The following MS4A6A variants were observed in gnomAD, a reference collection of about 807,000 sequenced individuals.
MS4A6A encodes membrane-spanning 4-domains subfamily A member 6A.
In MS4A6A, 19 loss-of-function variants were observed where a neutral mutation model predicts 20.6. The observed-to-expected ratio is 0.92, with a 90% CI of 0.64 to 1.36. MS4A6A has a LOEUF of 1.36. MS4A6A is among the 40% of genes most tolerant of loss of function. The pLI is 0.00. For missense variants in MS4A6A, 272 were observed against 261.1 expected, an observed-to-expected ratio of 1.04 and a Z score of -0.29; for synonymous variants, 108 against 105.0, an observed-to-expected ratio of 1.03 and a Z score of -0.17.
chr11:60,172,146 C>T (rs1856609146), downstream of MS4A6A: 2 of 1,605,810 alleles, frequency 1.2e-6, no homozygotes, highest in South Asian at 1.1e-5. Context: ...ATTAATATTT[C>T]TCCCTTTTTT....
Position 60,172,604 on chromosome 11 carries a change from T to C in MS4A6A, c.*397A>G. The C allele has an allele frequency of 8.9e-7, 1 of 1,127,096 alleles. No homozygotes were observed. Among genetic ancestry groups the C allele is most frequent in the Non-Finnish European group, 1.1e-6 (1 of 916,150 alleles). 69.8% of individuals were successfully genotyped at this position (1,127,096 alleles called of 1,614,324 possible). A position where few individuals can be genotyped will look rare whatever the true frequency, so the allele number is the denominator to read the frequency against. ...GACATTCACTGGATCCAGTTACGTG[T>C]GTAAATGCCCTTTACCAAGTCAATA... On this transcript the variant is annotated 3_prime_UTR_variant, in exon 6 of 6. Coordinates refer to ENST00000528851, the MANE Select transcript of MS4A6A (RefSeq NM_022349.4).
At chr11:60,178,572 G>T (rs1421850566) in intron 3 of MS4A6A, among the ~76,000 whole-genome samples, 2 of 150,712 alleles carry the variant, frequency 1.3e-5, no homozygotes, top group African/African-American at 4.9e-5. Flanking sequence ...GACCTTAAAA[G>T]CCAGGAAATA....
At chr11:60,174,010 A>C (rs1021959566) in intron 5 of MS4A6A, among the ~76,000 whole-genome samples, 4 of 152,222 alleles carry the variant, frequency 2.6e-5, no homozygotes, top group Non-Finnish European at 4.4e-5. Context: ...AATCTCTCTT[A>C]TTTCCAATGT....
rs1295346955 is a variant in MS4A6A, at chr11:60,181,663, G to A, written c.65C>T (p.Ser22Phe). 1.9e-6 allele frequency: 3 copies of A among 1,614,018 alleles called. No individual in the cohort carries two copies. Among genetic ancestry groups the A allele is most frequent in the Non-Finnish European group, 1.7e-6 (2 of 1,180,006 alleles). ...GGTGGGTTCGGGTTTCTCTGCTTGGGAGAAGTTGATGACATTTGATGGGAG... is the reference window on the plus strand; with the variant it reads ...GGTGGGTTCGGGTTTCTCTGCTTGGAAGAAGTTGATGACATTTGATGGGAG... ...IVLPSNVINF[S>F]QAEKPEPTNQ... Residue 22 changes from serine to phenylalanine, a missense_variant, in exon 2 of 6, where the codon TCC becomes TTC. Ser to Phe is a radical substitution (Grantham distance 155, BLOSUM62 -2). Transcript: ENST00000528851.
In MS4A6A at chr11:60,175,551, T is replaced by A; in HGVS notation, c.400A>T (p.Ile134Phe). Residue 134 changes from isoleucine (I) to phenylalanine (F), a missense_variant, in exon 5 of 6, where the codon ATC becomes TTC. Physicochemically the swap from Ile to Phe is conservative, Grantham distance 21. Coordinates refer to ENST00000528851, the MANE Select transcript of MS4A6A (RefSeq NM_022349.4). ...AAGGTGGCCTGTTTGACAGACAGGATAATGAAACCCACCAGGGCAGACAGA... is the reference window on the plus strand; with the variant it reads ...AAGGTGGCCTGTTTGACAGACAGGAAAATGAAACCCACCAGGGCAGACAGA... ...SALSALVGFI[I>F]LSVKQATLNP... is the part of the protein sequence containing the mutation. 5 of 1,614,106 alleles carry A rather than the reference T, an allele frequency of 3.1e-6. No homozygotes were observed. The highest frequency in any genetic ancestry group is 4.2e-6 in the Non-Finnish European group (5 of 1,180,032).
rs1045753097 is a variant in MS4A6A at position 60,178,499 on chromosome 11, GA to G, written c.283-184del. 859 of 385,982 alleles carry G rather than the reference GA, an allele frequency of 2.2e-3. 1 individual carries two copies. Among genetic ancestry groups the G allele is most frequent in the African/African-American group, 4.8e-3 (207 of 43,386 alleles). The allele number at this position is 385,982 out of a possible 1,614,324, so 23.9% of individuals were successfully genotyped here. The stretch of plus-strand genomic sequence containing the variant: ...TCCATATAACATTCAGATAACATCA[GA>G]AAAAAAAAAGATAGCAGAAATATAT... On this transcript the variant is annotated intron_variant, in intron 3 of 5. Transcript: ENST00000528851.
At chr11:60,183,716 G>A (rs1392828626), upstream of MS4A6A, 1 of 152,392 alleles carries the variant, frequency 6.6e-6, no homozygotes, top group Non-Finnish European at 1.5e-5. Context: ...CCCAACTGCT[G>A]CCTACCCTCA....
chr11:60,182,802 T>C (rs1351254610), intron 1 of MS4A6A, 176 bp downstream of exon 1: 1 of 195,972 alleles, frequency 5.1e-6, no homozygotes, highest in African/African-American at 2.3e-5. Flanking sequence ...GTTTATGCAA[T>C]TAGAATACAG....
intron 1 of MS4A6A, chr11:60,182,403 G>A (rs1200634758): frequency 6.6e-6 from 1 of 152,272 alleles, no homozygotes; most frequent in African/African-American, 2.4e-5. Context: ...ACACAGCCGG[G>A]AAGCTGTAAA....
At chr11:60,184,340 C>A (rs1344535751), upstream of MS4A6A, 2 of 152,272 alleles carry the variant, frequency 1.3e-5, no homozygotes, top group South Asian at 2.1e-4. Context: ...GGCGCCCCTT[C>A]CTCTTTCGCA....
intron 3 of MS4A6A, 123 bp downstream of exon 3, chr11:60,179,708 T>C (rs774712924): frequency 2.8e-5 from 32 of 1,123,576 alleles, no homozygotes; most frequent in Non-Finnish European, 3.1e-5. Flanking sequence ...GAGAACAAGA[T>C]TCACCGTTGA....
chr11:60,172,493 G>C (rs1182417527), downstream of MS4A6A: 2 of 1,229,158 alleles, frequency 1.6e-6, no homozygotes, highest in Admixed American at 3.8e-5. Context: ...TAAGTCCATA[G>C]GGGTTTGATT....
downstream of MS4A6A, chr11:60,172,146 CT>C (rs1312938176): frequency 1.9e-6 from 3 of 1,605,810 alleles, no homozygotes; most frequent in Non-Finnish European, 2.6e-6. Flanking sequence ...ATTAATATTT[CT>C]CCCTTTTTTC....
intron 4 of MS4A6A, among the ~76,000 whole-genome samples, chr11:60,176,323 T>C (rs1167656819): frequency 6.6e-6 from 1 of 152,216 alleles, no homozygotes; most frequent in African/African-American, 2.4e-5. Flanking sequence ...GAAAAAGGTC[T>C]GAACTGGAGG....
intron 2 of MS4A6A, chr11:60,180,558 C>T (rs1857080480): frequency 6.4e-6 from 1 of 157,140 alleles, no homozygotes; most frequent in African/African-American, 2.4e-5. Flanking sequence ...AAACTTGTGT[C>T]ATGGGGGTTT....
At chr11:60,181,506 G>A in intron 2 of MS4A6A, 75 bp downstream of exon 2, 1 of 1,574,330 alleles carries the variant, frequency 6.4e-7, no homozygotes, top group Non-Finnish European at 8.7e-7. Flanking sequence ...CACGACAGAT[G>A]TCCAGTCCCA....
At position 60,179,448 on chromosome 11, in the gene MS4A6A, G is replaced by A. The variant is rs1012386237; in HGVS notation, c.282+383C>T. 5.6e-6 allele frequency: 3 copies of A among 537,662 alleles called. No individual in the cohort carries two copies. The African/African-American group carries it at 5.7e-5, about 10-fold the overall frequency. 33.3% of individuals were successfully genotyped at this position (537,662 alleles called of 1,614,324 possible). On this transcript the variant is annotated intron_variant, in intron 3 of 5. Coordinates refer to ENST00000528851, the MANE Select transcript of MS4A6A (RefSeq NM_022349.4). The stretch of plus-strand genomic sequence containing the variant: ...CCCCACAAGCATGGGGGGGATAACA[G>A]TGTGGTTTCTCTGTGAGTGTGTGAT...
Position 60,175,433 on chromosome 11 carries a change from GT to G in MS4A6A, c.517del (p.Thr173ArgfsTer16), listed in dbSNP as rs747540319. 6.2e-7 allele frequency: 1 copy of G among 1,613,946 alleles called. No individual in the cohort carries two copies. The highest frequency in any genetic ancestry group is 1.3e-5 in the African/African-American group (1 of 74,916). On this transcript the variant is annotated frameshift_variant, in exon 5 of 6. Transcript: ENST00000528851. LOFTEE classifies it high-confidence loss of function. Reference sequence around the variant, plus strand: ...ACTGGCTTTGGCTGTATAGCAGTCCGTGGTATAAAGTGAATCATGATAAAAG... The same window carrying G: ...ACTGGCTTTGGCTGTATAGCAGTCCGGGTATAAAGTGAATCATGATAAAAG... ...SYFYHDSLYT[T>X]DCYTAKASLA...
chr11:60,181,805 A>T, intron 1 of MS4A6A, 64 bp from the exon 2 acceptor site: 2 of 1,514,532 alleles, frequency 1.3e-6, no homozygotes, highest in African/African-American at 2.8e-5. Context: ...TGACTCCAAA[A>T]ACAGTAACTC....
Sources: gnomAD v4.1 joint callset for allele counts (sites outside exome capture counted in the v4.1 genomes callset) on GRCh38, gnomAD v4.1.1 for gene constraint, MANE v1.5 for transcripts, NCBI Gene and HGNC (gene_info 2026-07-23, HGNC 2026-07-21) for gene names.